The following ETV4 variants were observed in gnomAD, a reference collection of about 807,000 sequenced individuals.
ETV4 encodes the protein ETS variant transcription factor 4, also known as ETS translocation variant 4.
In ETV4, 42 loss-of-function variants were observed where a neutral mutation model predicts 65.9. The observed-to-expected ratio is 0.64, with a 90% CI of 0.50 to 0.82. The LOEUF is 0.82. Ranked by LOEUF, ETV4 falls within the 40% of genes least tolerant of loss-of-function variation. The probability of loss-of-function intolerance (pLI) is 0.00; values close to 1 mark genes in which losing one functional copy is unlikely to be tolerated. For missense variants in ETV4, 583 were observed against 630.3 expected (o/e 0.92, Z 0.80); for synonymous variants, 238 against 260.0 (o/e 0.92, Z 0.81).
chr17:43,533,771 C>A, intron 6 of ETV4, 88 bp downstream of exon 6: 1 of 1,516,346 alleles, frequency 6.6e-7, no homozygotes, highest in Non-Finnish European at 8.9e-7. Flanking sequence ...ACTTGCATCT[C>A]AGCTGCTGCC....
chr17:43,533,915 G>A lies in ETV4; in HGVS notation c.327C>T (p.Ser109=). 1 of 1,592,554 alleles carries A rather than the reference G, an allele frequency of 6.3e-7. No individual in the cohort carries two copies. The highest frequency in any genetic ancestry group is 8.5e-7 in the Non-Finnish European group (1 of 1,172,934). ...AGGGGAGTGGCGGCTTCCTGCTGCA[G>A]GACAGGGCCGGGTCTGTGCGGGGAC... ...PQSPRTDPAL[S]CSRKPPLPYH... is the part of the protein sequence containing the mutation. Residue 109 remains serine, a synonymous_variant, in exon 6 of 13, where the codon TCC becomes TCT. Coordinates refer to ENST00000319349, the MANE Select transcript of ETV4 (RefSeq NM_001079675.5).
intron 7 of ETV4, 74 bp downstream of exon 7, chr17:43,533,111 CAA>C: frequency 6.4e-7 from 1 of 1,564,766 alleles, no homozygotes; most frequent in Non-Finnish European, 8.7e-7. Flanking sequence ...CCCCACAGCT[CAA>C]GTCTTTATGG....
intron 8 of ETV4, among the ~76,000 whole-genome samples, chr17:43,530,621 T>C (rs1180305983): frequency 2.8e-4 from 42 of 151,592 alleles, no homozygotes; most frequent in South Asian, 1.3e-3. Context: ...TGTGTGTGTG[T>C]GTGTGTGTGT....
rs1970720819 is a variant in ETV4 at position 43,528,759 on chromosome 17, AG to A, written c.1231-17del. ...CACCAGCCACCTATGGGGAGAGAGA[AG>A]GTCTGGTCAGCCTGGCTAGCCGCCC... On this transcript the variant is annotated splice_polypyrimidine_tract_variant and intron_variant, in intron 12 of 12. Coordinates refer to ENST00000319349, the MANE Select transcript of ETV4 (RefSeq NM_001079675.5). The A allele has an allele frequency of 6.2e-7, 1 of 1,609,610 alleles. No homozygotes were observed. Among genetic ancestry groups the A allele is most frequent in the African/African-American group, 1.3e-5 (1 of 74,922 alleles).
chr17:43,529,054 C>A, intron 12 of ETV4, 81 bp downstream of exon 12: 2 of 1,314,640 alleles, frequency 1.5e-6, no homozygotes, highest in African/African-American at 2.9e-5. Context: ...TTGCTGAGAA[C>A]TGCCCTGCTG....
At chr17:43,535,369 C>G (rs1396537842) in intron 5 of ETV4, among the ~76,000 whole-genome samples, 1 of 152,150 alleles carries the variant, frequency 6.6e-6, no homozygotes, top group African/African-American at 2.4e-5. Flanking sequence ...CCTCCGCCTC[C>G]CAGGTTCAAG....
Position 43,528,084 on chromosome 17 carries a change from G to A in ETV4, c.*435C>T, listed in dbSNP as rs1451412205. ...AACCGGGACCCTCCAGGGCCACAGC[G>A]TGGGGCAGAGTCCAGGCTTCTGTCT... On this transcript the variant is annotated 3_prime_UTR_variant, in exon 13 of 13. Coordinates refer to ENST00000319349, the MANE Select transcript of ETV4 (RefSeq NM_001079675.5). 2.1e-5 allele frequency: 5 copies of A among 236,054 alleles called. No individual in the cohort carries two copies. The highest frequency in any genetic ancestry group is 1.2e-4 in the East Asian group (2 of 16,638). 14.6% of individuals were successfully genotyped at this position (236,054 alleles called of 1,614,324 possible). A position where few individuals can be genotyped will look rare whatever the true frequency, so the allele number is the denominator to read the frequency against.
intron 4 of ETV4, among the ~76,000 whole-genome samples, chr17:43,543,561 T>A (rs974944142): frequency 6.6e-6 from 1 of 152,012 alleles, no homozygotes; most frequent in African/African-American, 2.4e-5. Context: ...CAGAGAGAAA[T>A]CAGGCACTGG....
rs1012023602 is a variant in ETV4, at chr17:43,528,470, T to C, written c.*49A>G. On this transcript the variant is annotated 3_prime_UTR_variant, in exon 13 of 13. Transcript: ENST00000319349. ...TTCCCCAACACCAGATTCATTTATA[T>C]GTACACAGGGCAGCACCCACCTGCG... 4 of 1,275,758 alleles carry C rather than the reference T, an allele frequency of 3.1e-6. No homozygotes were observed. Among genetic ancestry groups the C allele is most frequent in the African/African-American group, 1.5e-5 (1 of 67,392 alleles). The allele number at this position is 1,275,758 out of a possible 1,614,324, so 79.0% of individuals were successfully genotyped here. A position where few individuals can be genotyped will look rare whatever the true frequency, so the allele number is the denominator to read the frequency against.
In ETV4 at chr17:43,529,814, G is replaced by A. The variant is rs554127438; in HGVS notation, c.955+70C>T. ...TCCCACCCTCTTGCAACAATGAAACGTGATGTGACTCCTGCAGGGACACAG... is the reference window on the plus strand; with the variant it reads ...TCCCACCCTCTTGCAACAATGAAACATGATGTGACTCCTGCAGGGACACAG... On this transcript the variant is annotated intron_variant, in intron 10 of 12. Coordinates refer to ENST00000319349, the MANE Select transcript of ETV4 (RefSeq NM_001079675.5). The A allele has an allele frequency of 1.2e-5, 19 of 1,598,764 alleles. No individual in the cohort carries two copies. The South Asian group carries it at 1.2e-4, about 10-fold the overall frequency.
Position 43,544,808 on chromosome 17 carries a change from G to T in ETV4, c.202+167C>A, listed in dbSNP as rs569138199. 3.0e-5 allele frequency: 19 copies of T among 640,422 alleles called. No homozygotes were observed. In the South Asian group the frequency reaches 3.4e-4, roughly 12 times the overall value. The allele number at this position is 640,422 out of a possible 1,614,324, so 39.7% of individuals were successfully genotyped here. Reference sequence around the variant, plus strand: ...ATATCAATATAAGTGTCCACGCTGGGTGCTGGGGTGAGTAGAGTGGCAAGG... The same window carrying T: ...ATATCAATATAAGTGTCCACGCTGGTTGCTGGGGTGAGTAGAGTGGCAAGG... On this transcript the variant is annotated intron_variant, in intron 4 of 12. Transcript: ENST00000319349.
At position 43,528,204 on chromosome 17, in the gene ETV4, C is replaced by G. The variant is rs1204590403; in HGVS notation, c.*315G>C. The G allele has an allele frequency of 3.3e-6, 1 of 303,484 alleles. No individual in the cohort carries two copies. Among genetic ancestry groups the G allele is most frequent in the African/African-American group, 2.1e-5 (1 of 47,512 alleles). 18.8% of individuals were successfully genotyped at this position (303,484 alleles called of 1,614,324 possible). A position where few individuals can be genotyped will look rare whatever the true frequency, so the allele number is the denominator to read the frequency against. Reference sequence around the variant, plus strand: ...GCCTTCTCTGTCCCCCAGAACAGAACAAACTCTTGTTCTCTGTGGTTGGGG... The same window carrying G: ...GCCTTCTCTGTCCCCCAGAACAGAAGAAACTCTTGTTCTCTGTGGTTGGGG... On this transcript the variant is annotated 3_prime_UTR_variant, in exon 13 of 13. Transcript: ENST00000319349.
intron 5 of ETV4, among the ~76,000 whole-genome samples, chr17:43,535,029 T>C (rs1468494771): frequency 2.0e-5 from 3 of 152,224 alleles, no homozygotes; most frequent in Non-Finnish European, 4.4e-5. Context: ...ATTATACACA[T>C]GCTCCTACTT....
intron 7 of ETV4, 84 bp from the exon 8 acceptor site, chr17:43,533,023 T>C: frequency 6.6e-7 from 1 of 1,512,624 alleles, no homozygotes. Flanking sequence ...GCTTTTAGAG[T>C]GGGCTCCGGA....
chr17:43,543,025 G>T (rs974378315), intron 4 of ETV4, among the ~76,000 whole-genome samples: 1 of 152,102 alleles, frequency 6.6e-6, no homozygotes, highest in Admixed American at 6.6e-5. Flanking sequence ...GGTGCAGGGG[G>T]ACAGGGCCCC....
intron 1 of ETV4, 152 bp downstream of exon 1, chr17:43,546,033 A>C: frequency 9.5e-6 from 2 of 211,092 alleles, no homozygotes; most frequent in Non-Finnish European, 1.9e-5. Context: ...CATGCCCACA[A>C]CTCCCGCGCC....
At chr17:43,545,087 C>T in intron 3 of ETV4, 65 bp from the exon 4 acceptor site, 1 of 1,528,774 alleles carries the variant, frequency 6.5e-7, no homozygotes, top group Admixed American at 1.7e-5. Context: ...GGGGCCCTAG[C>T]AAGACCCGGT....
intron 5 of ETV4, among the ~76,000 whole-genome samples, chr17:43,534,433 G>C (rs897015666): frequency 1.3e-5 from 2 of 152,176 alleles, no homozygotes; most frequent in African/African-American, 4.8e-5. Context: ...GGCGGGGATT[G>C]CAGTGAGCCG....
chr17:43,545,221 G>GTGTA, intron 3 of ETV4, 53 bp downstream of exon 3: 3 of 1,106,968 alleles, frequency 2.7e-6, no homozygotes, highest in Non-Finnish European at 4.0e-6. Context: ...GTGTGTGTGT[G>GTGTA]TGTGTGTGTG....
Sources: allele counts gnomAD v4.1 joint callset (sites outside exome capture counted in the v4.1 genomes callset), GRCh38; gene constraint gnomAD v4.1.1; transcripts MANE v1.5; gene names NCBI Gene and HGNC (gene_info 2026-07-23, HGNC 2026-07-21).